Variants in PDK3 observed in about 807,000 individuals in gnomAD.
The protein encoded by PDK3 is pyruvate dehydrogenase kinase, isozyme 3.
In PDK3, 12 loss-of-function variants were observed where a neutral mutation model predicts 32.0. The ratio of observed to expected loss-of-function variants is 0.37; its 90% CI spans 0.24 to 0.61. The LOEUF (loss-of-function observed/expected upper bound fraction) is 0.61. Ranked by LOEUF, PDK3 falls within the 20% of genes least tolerant of loss-of-function variation. The probability of loss-of-function intolerance (pLI) is 0.65; values close to 1 mark genes in which losing one functional copy is unlikely to be tolerated. For synonymous variants in PDK3, 122 were observed against 116.3 expected, an observed-to-expected ratio of 1.05 and a Z score of -0.31; for missense variants, 188 against 316.9, an observed-to-expected ratio of 0.59 and a Z score of 3.09.
intron 5 of PDK3, among the ~76,000 whole-genome samples, chrX:24,506,008 C>G (rs993970226): frequency 9.0e-6 from 1 of 111,691 alleles, no homozygotes; most frequent in Non-Finnish European, 1.9e-5. Flanking sequence ...TGGCCTTTAT[C>G]TCCCTTCTTT....
At chrX:24,480,501 T>C (rs773305769) in intron 1 of PDK3, among the ~76,000 whole-genome samples, 1 of 112,106 alleles carries the variant, frequency 8.9e-6, no homozygotes, top group African/African-American at 3.2e-5. Flanking sequence ...CATAAACCAA[T>C]TAAATCAATT....
exon 12 of PDK3, among the ~76,000 whole-genome samples, chrX:24,543,778 G>A (rs758358388): frequency 1.8e-5 from 2 of 111,741 alleles, no homozygotes; most frequent in South Asian, 7.5e-4. Flanking sequence ...TTTCTTTCCT[G>A]AGCTCATTAT....
At chrX:24,473,365 C>T (rs748735520) in intron 1 of PDK3, among the ~76,000 whole-genome samples, 44 of 109,230 alleles carry the variant, frequency 4.0e-4, no homozygotes, top group African/African-American at 1.4e-3. Context: ...AGTGAGACTC[C>T]GTCTCAAAAA....
At chrX:24,542,127 A>G (rs1922905219) in exon 12 of PDK3, among the ~76,000 whole-genome samples, 1 of 112,031 alleles carries the variant, frequency 8.9e-6, no homozygotes, top group South Asian at 3.7e-4. Flanking sequence ...GAGCTGTGAA[A>G]GTGCTGAATT....
chrX:24,469,626 TAATA>T (rs1378077608), intron 1 of PDK3, among the ~76,000 whole-genome samples: 5 of 109,195 alleles, frequency 4.6e-5, no homozygotes, highest in East Asian at 5.7e-4. Flanking sequence ...AAAATAATAA[TAATA>T]AATAAATAAG....
exon 12 of PDK3, chrX:24,548,698 T>A (rs1187975261): frequency 8.9e-6 from 1 of 112,337 alleles, no homozygotes; most frequent in East Asian, 2.8e-4. Flanking sequence ...ACTTAATGTT[T>A]TAAAATATTC....
chrX:24,534,287 A>G lies in PDK3; in HGVS notation c.*215A>G. 1 of 893,759 alleles carries G rather than the reference A, an allele frequency of 1.1e-6. No individual in the cohort carries two copies. The highest frequency in any genetic ancestry group is 1.4e-6 in the Non-Finnish European group (1 of 710,782). The allele number at this position is 893,759 out of a possible 1,213,427, so 73.7% of individuals were successfully genotyped here. On this transcript the variant is annotated 3_prime_UTR_variant, in exon 11 of 11. Transcript: ENST00000379162. The stretch of plus-strand genomic sequence containing the variant: ...AAAAATAAGTTAAAATGATCAATCA[A>G]GATAAAAGGTGATCTATCCATCCAA...
At chrX:24,535,520 A>AAAAG (rs1555951174), downstream of PDK3, among the ~76,000 whole-genome samples, 13 of 99,977 alleles carry the variant, frequency 1.3e-4, no homozygotes, top group African/African-American at 1.8e-4. Context: ...AAAAAAAAAA[A>AAAAG]AAGAAGAAGA....
At chrX:24,492,845 G>A (rs1284262287) in intron 1 of PDK3, among the ~76,000 whole-genome samples, 1 of 108,416 alleles carries the variant, frequency 9.2e-6, no homozygotes, top group African/African-American at 3.4e-5. Flanking sequence ...CTAAAAATAC[G>A]AAAAATTAGC....
chrX:24,496,771 CTTTTTTTTTTT>C (rs376346872), intron 2 of PDK3, among the ~76,000 whole-genome samples: 2 of 35,393 alleles, frequency 5.7e-5, no homozygotes, highest in African/African-American at 1.5e-4. Context: ...TCAAAATAAT[CTTTTTTTTTTT>C]TTTTTTTTTT....
intron 1 of PDK3, among the ~76,000 whole-genome samples, chrX:24,466,199 C>T (rs1383474909): frequency 1.8e-5 from 2 of 111,238 alleles, no homozygotes; most frequent in Non-Finnish European, 3.8e-5. Context: ...TTCTCTTCTC[C>T]ATTGGTGTCC....
intron 1 of PDK3, among the ~76,000 whole-genome samples, chrX:24,485,659 C>T (rs1156611206): frequency 2.7e-5 from 3 of 111,917 alleles, no homozygotes; most frequent in Non-Finnish European, 5.6e-5. Flanking sequence ...TTATCCCTAT[C>T]GGCAAGGTAA....
At chrX:24,521,621 C>T (rs979550442) in intron 6 of PDK3, among the ~76,000 whole-genome samples, 8 of 111,502 alleles carry the variant, frequency 7.2e-5, no homozygotes, top group East Asian at 2.8e-4. Context: ...TGCTCTTTTG[C>T]GTGAGTGGCA....
intron 8 of PDK3, 34 bp from the exon 9 acceptor site, chrX:24,528,038 CTTCT>C: frequency 1.2e-6 from 1 of 826,298 alleles, no homozygotes; most frequent in South Asian, 2.1e-5. Flanking sequence ...TATAGATCAA[CTTCT>C]TTGTTTTGAT....
chrX:24,476,839 G>A (rs1249189508), intron 1 of PDK3, among the ~76,000 whole-genome samples: 6 of 112,219 alleles, frequency 5.3e-5, no homozygotes, highest in Non-Finnish European at 1.1e-4. Flanking sequence ...ATCCACAACA[G>A]CAGAAATTGA....
exon 12 of PDK3, among the ~76,000 whole-genome samples, chrX:24,542,787 C>G (rs752249597): frequency 2.7e-5 from 3 of 112,642 alleles, no homozygotes; most frequent in Admixed American, 9.4e-5. Context: ...CATACAAAGA[C>G]TCCACATTTG....
intron 3 of PDK3, among the ~76,000 whole-genome samples, chrX:24,500,806 T>G (rs750564803): frequency 9.8e-5 from 11 of 111,829 alleles, no homozygotes; most frequent in African/African-American, 3.6e-4. Context: ...TGTTGATCAT[T>G]TATGATAGAG....
At chrX:24,528,388 G>T (rs185585224) in intron 9 of PDK3, among the ~76,000 whole-genome samples, 83 of 112,490 alleles carry the variant, frequency 7.4e-4, no homozygotes, top group African/African-American at 2.6e-3. Flanking sequence ...TCTGATTTGT[G>T]TCTAAGAAAC....
In PDK3 at chrX:24,476,621, C is replaced by T. The variant is rs183012063; in HGVS notation, c.106+11060C>T. On this transcript the variant is annotated intron_variant, in intron 1 of 10. Coordinates refer to ENST00000379162, the MANE Select transcript of PDK3 (RefSeq NM_005391.5). ...CCACCCCCAAACACAGTCTCTGCCG[C>T]CATCAGTATCCTGCACCAGTGTGGG... Among the ~76,000 whole-genome samples, 4 of 111,657 alleles carry T rather than the reference C, an allele frequency of 3.6e-5. No individual in the cohort carries two copies. The East Asian group carries it at 8.4e-4, about 24-fold the overall frequency.
Sources: allele counts gnomAD v4.1 joint callset (sites outside exome capture counted in the v4.1 genomes callset), GRCh38; gene constraint gnomAD v4.1.1; transcripts MANE v1.5; gene names NCBI Gene and HGNC (gene_info 2026-07-23, HGNC 2026-07-21).